AFF3: variants seen among roughly 807,000 people sequenced by gnomAD.
AFF3 encodes AF4/FMR2 family member 3.
AFF3 carries 32 observed loss-of-function variants against 129.7 expected under a neutral mutation model. The observed-to-expected ratio is 0.25, with a 90% CI of 0.19 to 0.33. The LOEUF (loss-of-function observed/expected upper bound fraction) is 0.33, where lower values mean the gene tolerates loss of function less well. AFF3 is among the 10% of genes least tolerant of loss of function. AFF3 has a pLI of 1.00. For synonymous variants in AFF3, 644 were observed against 635.4 expected (o/e 1.01, Z -0.20); for missense variants, 1,373 against 1,592.0 (o/e 0.86, Z 2.34).
At chr2:100,092,062 G>A (rs1419623959) in intron 4 of AFF3, among the ~76,000 whole-genome samples, 1 of 151,734 alleles carries the variant, frequency 6.6e-6, no homozygotes, top group Non-Finnish European at 1.5e-5. Flanking sequence ...GCACCTGTAT[G>A]CTGATAACGC....
Position 100,105,495 on chromosome 2 carries a change from A to G in AFF3, c.-65+9T>C. The G allele has an allele frequency of 2.3e-6, 3 of 1,328,290 alleles. No homozygotes were observed. Among genetic ancestry groups the G allele is most frequent in the Non-Finnish European group, 3.0e-6 (3 of 1,003,338 alleles). The allele number at this position is 1,328,290 out of a possible 1,614,324, so 82.3% of individuals were successfully genotyped here. On this transcript the variant is annotated intron_variant, in intron 3 of 24. Transcript: ENST00000672756. Reference sequence around the variant, plus strand: ...CTGGAAACCAACCTCCTTTCTTTTTATTTCTCACCGGGAAGGGGGACAAAC... The same window carrying G: ...CTGGAAACCAACCTCCTTTCTTTTTGTTTCTCACCGGGAAGGGGGACAAAC...
At chr2:99,657,066 C>A (rs941674604) in intron 12 of AFF3, among the ~76,000 whole-genome samples, 14 of 152,106 alleles carry the variant, frequency 9.2e-5, no homozygotes, top group African/African-American at 3.1e-4. Flanking sequence ...CTGCTCTGTG[C>A]AAATATGACT....
intron 13 of AFF3, among the ~76,000 whole-genome samples, chr2:99,609,252 G>A (rs893106094): frequency 6.6e-6 from 1 of 151,682 alleles, no homozygotes; most frequent in Non-Finnish European, 1.5e-5. Context: ...AGGTTTTTGG[G>A]GGGGAGGGGA....
At position 99,561,478 on chromosome 2, in the gene AFF3, T is replaced by G. The variant is rs138941619; in HGVS notation, c.3120-1042A>C. 5.3e-5 allele frequency among the ~76,000 whole-genome samples: 8 copies of G among 152,362 alleles called. No homozygotes were observed. The East Asian group carries it at 1.5e-3, about 29-fold the overall frequency. On this transcript the variant is annotated intron_variant, in intron 20 of 24. Coordinates refer to ENST00000672756, the MANE Select transcript of AFF3 (RefSeq NM_001386135.1). ...ATAGTATGGAAGTCTTACTTCAATT[T>G]AGATACCTTTACCTTCCCCACTTAA...
At chr2:99,630,874 A>T (rs1683060177) in intron 13 of AFF3, 2 of 273,692 alleles carry the variant, frequency 7.3e-6, no homozygotes, top group Middle Eastern at 4.5e-4. Flanking sequence ...TTGGGTGGTG[A>T]CACAGAGCCA....
chr2:100,139,085 C>T (rs986219355), intron 1 of AFF3, among the ~76,000 whole-genome samples: 7 of 151,924 alleles, frequency 4.6e-5, no homozygotes, highest in African/African-American at 1.5e-4. Flanking sequence ...GGATGAAGGG[C>T]GGAAGGGAAG....
At chr2:99,551,661 T>C in intron 24 of AFF3, 66 bp from the exon 25 acceptor site, 1 of 1,593,824 alleles carries the variant, frequency 6.3e-7, no homozygotes, top group Non-Finnish European at 8.6e-7. Flanking sequence ...GAGCAACTGA[T>C]GTAAGGAAAA....
At chr2:99,849,118 T>C (rs1240418794) in intron 7 of AFF3, among the ~76,000 whole-genome samples, 1 of 152,070 alleles carries the variant, frequency 6.6e-6, no homozygotes, top group African/African-American at 2.4e-5. Flanking sequence ...ATTCCACTTC[T>C]ACCTCACTTC....
At chr2:99,860,047 C>CT (rs1227221861) in intron 7 of AFF3, among the ~76,000 whole-genome samples, 4 of 152,154 alleles carry the variant, frequency 2.6e-5, no homozygotes, top group African/African-American at 9.7e-5. Flanking sequence ...CATATAGAAA[C>CT]CACACTCTCC....
chr2:99,701,983 T>C (rs753785792), intron 11 of AFF3, among the ~76,000 whole-genome samples: 7 of 152,268 alleles, frequency 4.6e-5, no homozygotes, highest in Admixed American at 2.6e-4. Context: ...CCAAGTTGTA[T>C]GTATTAACCG....
intron 15 of AFF3, among the ~76,000 whole-genome samples, chr2:99,590,597 T>C (rs1447534149): frequency 6.6e-6 from 1 of 152,146 alleles, no homozygotes; most frequent in Non-Finnish European, 1.5e-5. Flanking sequence ...CTTTCCATTA[T>C]ATGTGAGCAC....
chr2:99,550,387 GAGGAGTGAGAGAATC>G lies in AFF3; in HGVS notation c.*1072_*1086del. The G allele has an allele frequency of 4.3e-6, 1 of 230,354 alleles. No homozygotes were observed. Among genetic ancestry groups the G allele is most frequent in the Non-Finnish European group, 8.6e-6 (1 of 116,160 alleles). 14.3% of individuals were successfully genotyped at this position (230,354 alleles called of 1,614,324 possible). ...AGGGCTGCAGGTGCACATTCTGCAT[GAGGAGTGAGAGAATC>G]AGCATTATCATGGCAAATAGCTCTC... is the stretch of plus-strand genomic sequence containing the variant. On this transcript the variant is annotated 3_prime_UTR_variant, in exon 25 of 25. Coordinates refer to ENST00000672756, the MANE Select transcript of AFF3 (RefSeq NM_001386135.1).
intron 7 of AFF3, among the ~76,000 whole-genome samples, chr2:99,962,882 AT>A (rs1677369210): frequency 5.4e-5 from 8 of 148,378 alleles, no homozygotes; most frequent in African/African-American, 1.5e-4. Context: ...AATAATAATA[AT>A]AATAATAATG....
intron 8 of AFF3, among the ~76,000 whole-genome samples, chr2:99,830,221 T>C (rs1290917390): frequency 6.6e-6 from 1 of 151,988 alleles, no homozygotes; most frequent in Non-Finnish European, 1.5e-5. Context: ...CAAACCAACA[T>C]GGTACATGCA....
chr2:100,038,155 T>C (rs915256415), intron 4 of AFF3, among the ~76,000 whole-genome samples: 2 of 151,890 alleles, frequency 1.3e-5, no homozygotes, highest in African/African-American at 4.8e-5. Context: ...TGCAATGAAG[T>C]CTAAGACAGA....
chr2:99,632,073 T>C (rs1038126169), intron 13 of AFF3, among the ~76,000 whole-genome samples: 1 of 131,404 alleles, frequency 7.6e-6, no homozygotes, highest in Non-Finnish European at 1.5e-5. Flanking sequence ...TGGAGTGCAA[T>C]GGCGTGATCT....
At chr2:99,643,163 G>A (rs189936282) in intron 13 of AFF3, among the ~76,000 whole-genome samples, 23 of 148,898 alleles carry the variant, frequency 1.5e-4, no homozygotes, top group African/African-American at 5.0e-4. Context: ...GGGTTCAAGC[G>A]ATTCTCCTGC....
intron 1 of AFF3, among the ~76,000 whole-genome samples, chr2:100,130,744 G>A (rs75533552): frequency 0.045 from 6,817 of 152,148 alleles, 400 homozygotes; most frequent in African/African-American, 0.14. Flanking sequence ...GGCTGCCATC[G>A]CAGGTCCCTG....
At chr2:100,081,245 C>T (rs11896271) in intron 4 of AFF3, among the ~76,000 whole-genome samples, 8,235 of 152,094 alleles carry the variant, frequency 0.054, 641 homozygotes, top group African/African-American at 0.17. Flanking sequence ...ACTTGTACTC[C>T]ATACATTTAT....
Sources: gnomAD v4.1 joint callset for allele counts (sites outside exome capture counted in the v4.1 genomes callset) on GRCh38, gnomAD v4.1.1 for gene constraint, MANE v1.5 for transcripts, NCBI Gene and HGNC (gene_info 2026-07-23, HGNC 2026-07-21) for gene names.